Variants in DOCK4 observed in about 807,000 individuals in gnomAD.
DOCK4 encodes dedicator of cytokinesis protein 4.
In DOCK4, 97 loss-of-function variants were observed where a neutral mutation model predicts 268.1. The ratio of observed to expected loss-of-function variants is 0.36; its 90% confidence interval spans 0.31 to 0.43. The LOEUF (loss-of-function observed/expected upper bound fraction) is 0.43, where lower values mean the gene tolerates loss of function less well. Ranked by LOEUF, DOCK4 falls within the 20% of genes least tolerant of loss-of-function variation. The probability of loss-of-function intolerance (pLI) is 1.00; values close to 1 mark genes in which losing one functional copy is unlikely to be tolerated. For missense variants in DOCK4, 2,145 were observed against 2,455.7 expected (o/e 0.87, Z 2.67); for synonymous variants, 954 against 887.2 (o/e 1.08, Z -1.34).
chr7:112,181,741 C>T (rs73440635), intron 1 of DOCK4, among the ~76,000 whole-genome samples: 4,387 of 147,890 alleles, frequency 0.03, 78 homozygotes, highest in Middle Eastern at 0.096. Flanking sequence ...CAACTCTTAA[C>T]AAGAAAGAGT....
chr7:111,780,434 G>A (rs1336422268), intron 35 of DOCK4, among the ~76,000 whole-genome samples: 1 of 152,074 alleles, frequency 6.6e-6, no homozygotes, highest in Non-Finnish European at 1.5e-5. Context: ...CAACTCCACA[G>A]CAGGTTTTTA....
At chr7:111,779,020 A>G (rs1798625352) in intron 35 of DOCK4, among the ~76,000 whole-genome samples, 1 of 152,106 alleles carries the variant, frequency 6.6e-6, no homozygotes, top group Admixed American at 6.6e-5. Context: ...ATGCCACTGC[A>G]CTGCAGCCTG....
intron 1 of DOCK4, among the ~76,000 whole-genome samples, chr7:112,202,960 TCTTA>T (rs1309486029): frequency 2.6e-5 from 4 of 152,274 alleles, no homozygotes; most frequent in African/African-American, 7.2e-5. Flanking sequence ...TTACCTCTGA[TCTTA>T]CTTAAAAACC....
intron 1 of DOCK4, among the ~76,000 whole-genome samples, chr7:112,065,205 C>T (rs1390781875): frequency 6.6e-6 from 1 of 152,102 alleles, no homozygotes; most frequent in Non-Finnish European, 1.5e-5. Flanking sequence ...TCTCTAACCA[C>T]ATTCCAGACT....
At chr7:112,087,358 T>A (rs1486760254) in intron 1 of DOCK4, among the ~76,000 whole-genome samples, 4 of 152,100 alleles carry the variant, frequency 2.6e-5, no homozygotes, top group African/African-American at 9.7e-5. Context: ...CTGGCCAAAC[T>A]TGAAAATTAT....
At chr7:111,846,765 G>A (rs933192339) in intron 24 of DOCK4, among the ~76,000 whole-genome samples, 1 of 152,170 alleles carries the variant, frequency 6.6e-6, no homozygotes, top group East Asian at 1.9e-4. Context: ...TTCTCACTCA[G>A]TATGCAGTTC....
chr7:112,077,895 T>A (rs1271183364), intron 1 of DOCK4, among the ~76,000 whole-genome samples: 1 of 152,100 alleles, frequency 6.6e-6, no homozygotes, highest in Non-Finnish European at 1.5e-5. Flanking sequence ...GTATAAAAGG[T>A]AGCTAAGACA....
chr7:112,153,622 T>C (rs1430879755), intron 1 of DOCK4, among the ~76,000 whole-genome samples: 2 of 152,218 alleles, frequency 1.3e-5, no homozygotes, highest in African/African-American at 4.8e-5. Flanking sequence ...TGTATATTTC[T>C]TCATGAGCTA....
At chr7:111,935,300 A>G in intron 12 of DOCK4, 1 of 524,418 alleles carries the variant, frequency 1.9e-6, no homozygotes, top group East Asian at 4.0e-5. Flanking sequence ...GTACCAAAGA[A>G]CAAATTCAGA....
intron 12 of DOCK4, among the ~76,000 whole-genome samples, chr7:111,923,907 C>G (rs1474108886): frequency 6.6e-6 from 1 of 152,138 alleles, no homozygotes; most frequent in East Asian, 1.9e-4. Flanking sequence ...CCACTGATTT[C>G]TTATTTTAAT....
chr7:111,905,710 T>C (rs965112674), intron 13 of DOCK4, among the ~76,000 whole-genome samples: 5 of 151,868 alleles, frequency 3.3e-5, no homozygotes, highest in South Asian at 2.1e-4. Flanking sequence ...TGTGTGTGTG[T>C]GCACGTGTAT....
chr7:111,983,331 G>A (rs945353796), intron 7 of DOCK4, among the ~76,000 whole-genome samples: 5 of 152,090 alleles, frequency 3.3e-5, no homozygotes, highest in African/African-American at 1.2e-4. Flanking sequence ...AAATAAGCTT[G>A]AAAAGATATG....
intron 1 of DOCK4, among the ~76,000 whole-genome samples, chr7:112,072,042 T>G (rs1436867880): frequency 6.6e-6 from 1 of 152,232 alleles, no homozygotes; most frequent in Non-Finnish European, 1.5e-5. Context: ...AATTATTTTC[T>G]GAGTCATAAC....
chr7:111,973,039 A>T (rs1440741220), intron 8 of DOCK4, among the ~76,000 whole-genome samples: 1 of 151,316 alleles, frequency 6.6e-6, no homozygotes, highest in Admixed American at 6.6e-5. Context: ...GAGAACATAC[A>T]ATGTTTGGTT....
chr7:112,110,881 G>A (rs73434698), intron 1 of DOCK4, among the ~76,000 whole-genome samples: 1 of 152,104 alleles, frequency 6.6e-6, no homozygotes, highest in Non-Finnish European at 1.5e-5. Flanking sequence ...CGCTCCCCAC[G>A]GAAATGTGCG....
intron 8 of DOCK4, chr7:111,976,718 A>C (rs1330113828): frequency 2.0e-5 from 3 of 153,082 alleles, no homozygotes; most frequent in African/African-American, 7.2e-5. Flanking sequence ...TTGTCTCTTT[A>C]AACCATATGA....
chr7:112,050,774 T>C (rs1032814073), intron 1 of DOCK4, among the ~76,000 whole-genome samples: 2 of 152,262 alleles, frequency 1.3e-5, no homozygotes, highest in Admixed American at 1.3e-4. Flanking sequence ...TCAATCCCGA[T>C]TTTTTTACTG....
At chr7:111,839,648 G>A (rs1291940293) in intron 25 of DOCK4, among the ~76,000 whole-genome samples, 1 of 152,120 alleles carries the variant, frequency 6.6e-6, no homozygotes, top group Non-Finnish European at 1.5e-5. Flanking sequence ...GGGCATTTAT[G>A]ATGATTATTG....
At chr7:111,909,566 T>C (rs1197120923) in intron 13 of DOCK4, among the ~76,000 whole-genome samples, 1 of 152,220 alleles carries the variant, frequency 6.6e-6, no homozygotes, top group African/African-American at 2.4e-5. Flanking sequence ...AAAAGGAGGA[T>C]TGATTTGAAT....
Sources: gnomAD v4.1 joint callset for allele counts (sites outside exome capture counted in the v4.1 genomes callset) on GRCh38, gnomAD v4.1.1 for gene constraint, MANE v1.5 for transcripts, NCBI Gene and HGNC (gene_info 2026-07-23, HGNC 2026-07-21) for gene names.